The following RUFY1 variants were observed in gnomAD, a reference collection of about 807,000 sequenced individuals.
RUFY1 encodes RUN and FYVE domain-containing protein 1.
Under a neutral mutation model 94.6 loss-of-function variants are expected in RUFY1, and 54 were observed. The ratio of observed to expected loss-of-function variants is 0.57; its 90% confidence interval spans 0.46 to 0.72. The LOEUF (loss-of-function observed/expected upper bound fraction) is 0.72, where lower values mean the gene tolerates loss of function less well. Ranked by LOEUF, RUFY1 falls within the 30% of genes least tolerant of loss-of-function variation. The probability of loss-of-function intolerance (pLI) is 0.00; values close to 1 mark genes in which losing one functional copy is unlikely to be tolerated. For synonymous variants in RUFY1, 396 were observed against 347.3 expected, an observed-to-expected ratio of 1.14 and a Z score of -1.56; for missense variants, 883 against 883.9, an observed-to-expected ratio of 1.00 and a Z score of 0.01.
chr5:179,596,405 G>T (rs1252899420), intron 12 of RUFY1, 157 bp from the exon 13 acceptor site: 10 of 934,136 alleles, frequency 1.1e-5, no homozygotes, highest in Non-Finnish European at 1.7e-5. Context: ...GGACCGTCCT[G>T]TATTCTGATT....
At chr5:179,588,656 A>G (rs541240977) in intron 8 of RUFY1, among the ~76,000 whole-genome samples, 1 of 152,328 alleles carries the variant, frequency 6.6e-6, no homozygotes, top group Admixed American at 6.5e-5. Flanking sequence ...AAGAGTCAGG[A>G]AAAAAGCCCA....
intron 10 of RUFY1, among the ~76,000 whole-genome samples, chr5:179,592,556 T>A (rs1765206077): frequency 6.6e-6 from 1 of 152,234 alleles, no homozygotes. Flanking sequence ...CTGGCCATTT[T>A]ATAAATCTTT....
chr5:179,574,350 G>C lies in RUFY1; in HGVS notation c.829-2725G>C, dbSNP rs118127592. Among the ~76,000 whole-genome samples the C allele has an allele frequency of 9.4e-3, 1,424 of 152,194 alleles. 64 individuals are homozygous for C. In the East Asian group the frequency reaches 0.1, roughly 11 times the overall value. Reference sequence around the variant, plus strand: ...GCAGAGGCTGCAGTGAGCTGAGACCGTGCCACTGCACTCCACTCTGGGCAA... The same window carrying C: ...GCAGAGGCTGCAGTGAGCTGAGACCCTGCCACTGCACTCCACTCTGGGCAA... On this transcript the variant is annotated intron_variant, in intron 5 of 17. Transcript: ENST00000319449.
intron 7 of RUFY1, among the ~76,000 whole-genome samples, chr5:179,581,282 C>T (rs1202756595): frequency 1.3e-5 from 2 of 152,206 alleles, no homozygotes; most frequent in African/African-American, 2.4e-5. Context: ...CCTCGCCCCA[C>T]AGCCACGTGG....
chr5:179,555,089 C>T (rs1762043899), intron 1 of RUFY1, among the ~76,000 whole-genome samples: 2 of 152,162 alleles, frequency 1.3e-5, no homozygotes, highest in Non-Finnish European at 2.9e-5. Context: ...GCTGTTTTCA[C>T]GCAAGCAATA....
intron 3 of RUFY1, among the ~76,000 whole-genome samples, chr5:179,566,554 C>A (rs1297382489): frequency 3.4e-5 from 5 of 147,754 alleles, no homozygotes; most frequent in Non-Finnish European, 7.4e-5. Context: ...TGCAGTGAGC[C>A]AAGATCACAA....
At chr5:179,601,817 CAAAAAAAAAAAA>C (rs56169514) in intron 14 of RUFY1, 63 bp from the exon 15 acceptor site, 13,655 of 516,328 alleles carry the variant, frequency 0.026, 29 homozygotes, top group Middle Eastern at 0.04. Flanking sequence ...GACCCTGTCT[CAAAAAAAAAAAA>C]AAAAAAAAAA....
At chr5:179,562,374 C>G (rs1561969367) in intron 2 of RUFY1, among the ~76,000 whole-genome samples, 173 bp from the exon 3 acceptor site, 1 of 152,114 alleles carries the variant, frequency 6.6e-6, no homozygotes, top group Non-Finnish European at 1.5e-5. Context: ...ACACTGCACT[C>G]TAGCCTGGGC....
intron 17 of RUFY1, 77 bp downstream of exon 17, chr5:179,607,736 G>A: frequency 7.7e-7 from 1 of 1,292,680 alleles, no homozygotes; most frequent in Non-Finnish European, 1.1e-6. Flanking sequence ...GGTTCCAGAA[G>A]CCCATATCAG....
Position 179,562,632 on chromosome 5 carries a change from A to G in RUFY1, c.570A>G (p.Ile190Met). 1.9e-6 allele frequency: 3 copies of G among 1,596,840 alleles called. No individual in the cohort carries two copies. In the East Asian group the frequency reaches 6.7e-5, roughly 36 times the overall value. Residue 190 changes from isoleucine (I) to methionine (M), a missense_variant, in exon 3 of 18, where the codon ATA becomes ATG. By Grantham distance (10) the Ile-to-Met change is conservative. Coordinates refer to ENST00000319449, the MANE Select transcript of RUFY1 (RefSeq NM_025158.5). ...AACTTTGTCCAGAAGCATCAGATAT[A>G]GCGACTAGTGTCAGAAATCTTCCAG... is the stretch of plus-strand genomic sequence containing the variant. ...VEKLCPEASD[I>M]ATSVRNLPEL...
chr5:179,570,980 G>C (rs191559907), intron 5 of RUFY1, among the ~76,000 whole-genome samples: 230 of 152,234 alleles, frequency 1.5e-3, no homozygotes, highest in African/African-American at 5.2e-3. Context: ...GTATATGTTT[G>C]TGTATTTTAG....
chr5:179,570,479 A>T (rs1763144829), intron 5 of RUFY1, among the ~76,000 whole-genome samples: 1 of 152,186 alleles, frequency 6.6e-6, no homozygotes, highest in Non-Finnish European at 1.5e-5. Flanking sequence ...TGTGGGAAGG[A>T]CAGCCCTCTT....
intron 10 of RUFY1, among the ~76,000 whole-genome samples, chr5:179,593,025 G>C (rs564049408): frequency 6.6e-6 from 1 of 152,256 alleles, no homozygotes; most frequent in East Asian, 1.9e-4. Context: ...TCCTGCCCCA[G>C]ACAGACTCTT....
At chr5:179,582,379 C>G (rs919779004) in intron 7 of RUFY1, among the ~76,000 whole-genome samples, 1 of 152,120 alleles carries the variant, frequency 6.6e-6, no homozygotes, top group Non-Finnish European at 1.5e-5. Context: ...GCATGCACCA[C>G]TACACCTGGC....
At chr5:179,567,724 G>A (rs1025635536) in intron 4 of RUFY1, among the ~76,000 whole-genome samples, 162 bp downstream of exon 4, 3 of 151,730 alleles carry the variant, frequency 2.0e-5, no homozygotes, top group Non-Finnish European at 2.9e-5. Context: ...ACATGGTGTC[G>A]TATTTTTAGT....
At chr5:179,603,997 C>T (rs577911496) in intron 15 of RUFY1, among the ~76,000 whole-genome samples, 197 of 152,290 alleles carry the variant, frequency 1.3e-3, no homozygotes, top group Middle Eastern at 6.8e-3. Flanking sequence ...GCGGAGGTTG[C>T]GGTGAGCCGA....
At chr5:179,607,752 G>A in intron 17 of RUFY1, 93 bp downstream of exon 17, 1 of 1,103,788 alleles carries the variant, frequency 9.1e-7, no homozygotes. Flanking sequence ...ATCAGAGCAG[G>A]CTCACTGCCC....
At chr5:179,600,480 T>G (rs1327115101) in intron 14 of RUFY1, among the ~76,000 whole-genome samples, 4 of 152,186 alleles carry the variant, frequency 2.6e-5, no homozygotes, top group African/African-American at 9.7e-5. Flanking sequence ...TTCATCATCC[T>G]TGACCAGTGC....
chr5:179,589,049 C>T (rs1764832002), intron 8 of RUFY1, among the ~76,000 whole-genome samples: 1 of 151,922 alleles, frequency 6.6e-6, no homozygotes, highest in South Asian at 2.1e-4. Context: ...TTTTCTTAAG[C>T]ATTTTTAACC....
Sources: gnomAD v4.1 joint callset for allele counts (sites outside exome capture counted in the v4.1 genomes callset) on GRCh38, gnomAD v4.1.1 for gene constraint, MANE v1.5 for transcripts, NCBI Gene and HGNC (gene_info 2026-07-23, HGNC 2026-07-21) for gene names.